ENO4: variants seen among roughly 807,000 people sequenced by gnomAD.
The protein encoded by ENO4 is 2-phospho-D-glycerate hydro-lyase.
Under a neutral mutation model 63.2 loss-of-function variants are expected in ENO4, and 53 were observed. The ratio of observed to expected loss-of-function variants is 0.84; its 90% confidence interval spans 0.67 to 1.05. ENO4 has a LOEUF of 1.05. ENO4 is among the 50% of genes least tolerant of loss of function. The pLI is 0.00. For synonymous variants in ENO4, 266 were observed against 283.8 expected, an observed-to-expected ratio of 0.94 and a Z score of 0.63; for missense variants, 719 against 772.0, an observed-to-expected ratio of 0.93 and a Z score of 0.81.
chr10:116,858,885 C>T (rs1481300473), intron 3 of ENO4, 105 bp from the exon 4 acceptor site: 2 of 561,834 alleles, frequency 3.6e-6, no homozygotes, highest in African/African-American at 1.9e-5. Context: ...AGCTGAAAAG[C>T]AGTTATTTAT....
chr10:116,882,723 C>G (rs1293150696), downstream of ENO4: 2 of 152,116 alleles, frequency 1.3e-5, no homozygotes, highest in African/African-American at 4.8e-5. Flanking sequence ...CCTTAATTTC[C>G]TCATAACAGA....
intron 8 of ENO4, among the ~76,000 whole-genome samples, chr10:116,870,069 C>A (rs926940349): frequency 6.6e-6 from 1 of 152,154 alleles, no homozygotes; most frequent in African/African-American, 2.4e-5. Flanking sequence ...CCAACTATTG[C>A]TTTGTTTGCC....
chr10:116,854,433 G>C (rs924216914), intron 1 of ENO4, among the ~76,000 whole-genome samples: 1 of 151,908 alleles, frequency 6.6e-6, no homozygotes. Flanking sequence ...TTTGGTGCAC[G>C]CCTGTAATCC....
intron 10 of ENO4, among the ~76,000 whole-genome samples, chr10:116,897,553 G>C (rs1397278697): frequency 6.6e-6 from 1 of 152,132 alleles, no homozygotes; most frequent in Non-Finnish European, 1.5e-5. Context: ...AAAAACCCAG[G>C]GGTCTAGTAT....
chr10:116,855,515 A>G, intron 1 of ENO4, 108 bp from the exon 2 acceptor site: 1 of 1,355,096 alleles, frequency 7.4e-7, no homozygotes, highest in Non-Finnish European at 1.0e-6. Flanking sequence ...TAGAAACTAG[A>G]GTCAATGTGA....
intron 1 of ENO4, among the ~76,000 whole-genome samples, chr10:116,851,982 C>A (rs1253259589): frequency 6.6e-6 from 1 of 152,184 alleles, no homozygotes; most frequent in African/African-American, 2.4e-5. Flanking sequence ...TCCCAAACCT[C>A]ATCTTGAATT....
In ENO4 at chr10:116,868,639, C is replaced by A; in HGVS notation, c.991-11C>A. The A allele has an allele frequency of 6.4e-7, 1 of 1,550,396 alleles. No individual in the cohort carries two copies. The highest frequency in any genetic ancestry group is 1.2e-5 in the South Asian group (1 of 84,058). ...ATTCCAGGTGATACATTTTTATCTTCTGCCCCACAGCCCTCTCCTCCAAAA... is the reference window on the plus strand; with the variant it reads ...ATTCCAGGTGATACATTTTTATCTTATGCCCCACAGCCCTCTCCTCCAAAA... On this transcript the variant is annotated splice_polypyrimidine_tract_variant and intron_variant, in intron 7 of 13. Coordinates refer to ENST00000341276, the MANE Select transcript of ENO4 (RefSeq NM_001242699.2).
rs187306103 is a variant in ENO4 at position 116,906,699 on chromosome 10, G to T, written c.1195-4800G>T. 1.4e-4 allele frequency: 221 copies of T among 1,613,080 alleles called. 1 individual carries two copies. The Middle Eastern group carries it at 1.8e-3, about 13-fold the overall frequency. On this transcript the variant is annotated intron_variant, in intron 10 of 10. Transcript: ENST00000369207. ...TCTAACTCAGTTTCACTGTTTTCAG[G>T]GTCAAGGGATTTTAAGCTTCTTGAA...
At chr10:116,893,268 C>G (rs1484748398) in intron 10 of ENO4, among the ~76,000 whole-genome samples, 2 of 152,064 alleles carry the variant, frequency 1.3e-5, no homozygotes, top group African/African-American at 4.8e-5. Flanking sequence ...ATCTCAACTT[C>G]CAGAACATCC....
chr10:116,865,057 G>A (rs1435964948), intron 7 of ENO4, among the ~76,000 whole-genome samples: 3 of 152,054 alleles, frequency 2.0e-5, no homozygotes, highest in African/African-American at 7.2e-5. Flanking sequence ...AGAGAACAGT[G>A]TTTAAAATAA....
At chr10:116,855,575 A>G (rs1564843860) in intron 1 of ENO4, 48 bp from the exon 2 acceptor site, 1 of 1,535,030 alleles carries the variant, frequency 6.5e-7, no homozygotes, top group African/African-American at 1.4e-5. Context: ...TTTTTCCCCA[A>G]ACAACAACTT....
chr10:116,865,324 G>A (rs190462258), intron 7 of ENO4, among the ~76,000 whole-genome samples: 1 of 152,074 alleles, frequency 6.6e-6, no homozygotes, highest in African/African-American at 2.4e-5. Context: ...AGTGGCTGGG[G>A]TTACAGAGCC....
chr10:116,875,561 TCACACACA>T (rs56000218), intron 10 of ENO4, among the ~76,000 whole-genome samples: 2 of 147,904 alleles, frequency 1.4e-5, no homozygotes, highest in Non-Finnish European at 1.5e-5. Flanking sequence ...TCCAGGCTGG[TCACACACA>T]CACACACACA....
intron 10 of ENO4, among the ~76,000 whole-genome samples, chr10:116,889,977 C>T (rs913609370): frequency 6.6e-6 from 1 of 152,144 alleles, no homozygotes; most frequent in South Asian, 2.1e-4. Context: ...ATTCTACCTT[C>T]ATTCCTATCG....
At chr10:116,880,054 G>C in intron 13 of ENO4, 68 bp downstream of exon 13, 1 of 1,234,384 alleles carries the variant, frequency 8.1e-7, no homozygotes, top group African/African-American at 1.5e-5. Flanking sequence ...GGAAGAGGGG[G>C]AATAGAAGTC....
At chr10:116,869,314 T>G (rs544953991) in intron 8 of ENO4, among the ~76,000 whole-genome samples, 5 of 152,292 alleles carry the variant, frequency 3.3e-5, no homozygotes, top group Admixed American at 1.3e-4. Context: ...TAGCCTAAAC[T>G]TTCAACAATA....
At chr10:116,886,699 G>C (rs1847175686), downstream of ENO4, 1 of 1,205,754 alleles carries the variant, frequency 8.3e-7, no homozygotes, top group East Asian at 2.4e-5. Flanking sequence ...AGTAGTCTTT[G>C]AGATGCCAGC....
chr10:116,877,888 G>A (rs1846882739), intron 11 of ENO4, among the ~76,000 whole-genome samples: 1 of 152,186 alleles, frequency 6.6e-6, no homozygotes, highest in Admixed American at 6.5e-5. Context: ...ACTTTCCCAT[G>A]ACACTATAGT....
At chr10:116,862,370 A>G (rs548012658) in intron 6 of ENO4, among the ~76,000 whole-genome samples, 25 of 152,330 alleles carry the variant, frequency 1.6e-4, no homozygotes, top group African/African-American at 5.8e-4. Context: ...AGGTTGAGGC[A>G]AGAGAATTGC....
Sources: allele counts gnomAD v4.1 joint callset (sites outside exome capture counted in the v4.1 genomes callset), GRCh38; gene constraint gnomAD v4.1.1; transcripts MANE v1.5; gene names NCBI Gene and HGNC (gene_info 2026-07-23, HGNC 2026-07-21).